Variants in CDC73 observed in about 807,000 individuals in gnomAD.
CDC73 encodes the protein parafibromin.
Under a neutral mutation model 83.7 loss-of-function variants are expected in CDC73, and 21 were observed. The ratio of observed to expected loss-of-function variants is 0.25; its 90% confidence interval spans 0.18 to 0.36. The LOEUF (loss-of-function observed/expected upper bound fraction) is 0.36, where lower values mean the gene tolerates loss of function less well. Ranked by LOEUF, CDC73 falls within the 10% of genes least tolerant of loss-of-function variation. CDC73 has a pLI of 1.00. For synonymous variants in CDC73, 224 were observed against 212.9 expected, an observed-to-expected ratio of 1.05 and a Z score of -0.45; for missense variants, 342 against 653.3, an observed-to-expected ratio of 0.52 and a Z score of 5.19.
intron 10 of CDC73, among the ~76,000 whole-genome samples, chr1:193,196,700 T>G (rs1022855733): frequency 1.3e-5 from 2 of 152,222 alleles, no homozygotes; most frequent in South Asian, 4.1e-4. Flanking sequence ...TTTCATTCTT[T>G]TTAATGCTAT....
At chr1:193,249,081 C>G (rs1361866422) in intron 15 of CDC73, among the ~76,000 whole-genome samples, 1 of 152,018 alleles carries the variant, frequency 6.6e-6, no homozygotes, top group African/African-American at 2.4e-5. Flanking sequence ...AAGGCAGAGT[C>G]AATCAGTGCA....
intron 6 of CDC73, 125 bp downstream of exon 6, chr1:193,138,298 C>A: frequency 2.7e-6 from 2 of 737,120 alleles, no homozygotes; most frequent in South Asian, 1.5e-5. Flanking sequence ...CCTCTTTGCT[C>A]TTAAGTTCGT....
At chr1:193,142,495 T>C (rs2103126921) in intron 7 of CDC73, among the ~76,000 whole-genome samples, 1 of 152,318 alleles carries the variant, frequency 6.6e-6, no homozygotes, top group South Asian at 2.1e-4. Context: ...TTTTACACAC[T>C]ATATTCTGTT....
chr1:193,244,030 T>C (rs999863429), intron 15 of CDC73, among the ~76,000 whole-genome samples: 1 of 152,156 alleles, frequency 6.6e-6, no homozygotes, highest in Non-Finnish European at 1.5e-5. Flanking sequence ...TTGATACTGA[T>C]CATAATCATA....
chr1:193,131,140 T>C (rs1675686349), intron 3 of CDC73, among the ~76,000 whole-genome samples: 1 of 152,234 alleles, frequency 6.6e-6, no homozygotes, highest in Non-Finnish European at 1.5e-5. Context: ...ACATGTTTCC[T>C]TGAATGTTGA....
At chr1:193,190,428 T>C (rs1286319079) in intron 10 of CDC73, among the ~76,000 whole-genome samples, 2 of 152,256 alleles carry the variant, frequency 1.3e-5, no homozygotes, top group Non-Finnish European at 2.9e-5. Flanking sequence ...GTCAAATGTT[T>C]ATTAAAAGCT....
chr1:193,196,824 C>G (rs897600285), intron 10 of CDC73, among the ~76,000 whole-genome samples: 1 of 152,128 alleles, frequency 6.6e-6, no homozygotes, highest in Non-Finnish European at 1.5e-5. Flanking sequence ...CAGAACTTGT[C>G]TATTATTAAT....
chr1:193,164,752 A>G (rs984097404), intron 10 of CDC73, among the ~76,000 whole-genome samples: 3 of 152,164 alleles, frequency 2.0e-5, no homozygotes, highest in Non-Finnish European at 4.4e-5. Flanking sequence ...GTGTCTGACT[A>G]ATCCCTTGCC....
chr1:193,216,627 C>A (rs114336960), intron 13 of CDC73, among the ~76,000 whole-genome samples: 1,842 of 151,340 alleles, frequency 0.012, 19 homozygotes, highest in South Asian at 0.033. Flanking sequence ...CAAAACCTGG[C>A]AGAGAGACAA....
chr1:193,194,967 G>A (rs1676977745), intron 10 of CDC73, among the ~76,000 whole-genome samples: 1 of 151,942 alleles, frequency 6.6e-6, no homozygotes, highest in Admixed American at 6.6e-5. Flanking sequence ...TAGTATATTA[G>A]TTATTAGTAT....
intron 8 of CDC73, among the ~76,000 whole-genome samples, chr1:193,149,767 T>C (rs1327631784): frequency 1.3e-5 from 2 of 152,206 alleles, no homozygotes; most frequent in Non-Finnish European, 2.9e-5. Flanking sequence ...GTTTTTAGTT[T>C]GTTAAACATT....
chr1:193,169,233 T>A (rs929988326), intron 10 of CDC73, among the ~76,000 whole-genome samples: 1 of 152,222 alleles, frequency 6.6e-6, no homozygotes, highest in African/African-American at 2.4e-5. Flanking sequence ...AGTAAAAATA[T>A]GAACTTTAAC....
At chr1:193,245,917 A>G (rs1677946445) in intron 15 of CDC73, among the ~76,000 whole-genome samples, 1 of 151,952 alleles carries the variant, frequency 6.6e-6, no homozygotes, top group African/African-American at 2.4e-5. Context: ...ATATTTGTTG[A>G]CTATTTTTGT....
intron 15 of CDC73, among the ~76,000 whole-genome samples, chr1:193,241,622 A>G (rs1677862039): frequency 6.6e-6 from 1 of 152,178 alleles, no homozygotes; most frequent in Non-Finnish European, 1.5e-5. Flanking sequence ...TGGACAGGAC[A>G]GTGCGCAGGC....
intron 6 of CDC73, 64 bp from the exon 7 acceptor site, chr1:193,141,786 A>G (rs774364815): frequency 9.9e-5 from 105 of 1,058,950 alleles, no homozygotes; most frequent in Non-Finnish European, 1.4e-4. Context: ...AATGTAACAA[A>G]ATATATTTAT....
rs550181594 is a variant in CDC73 at position 193,223,673 on chromosome 1, A to T, written c.1155-9320A>T. Among the ~76,000 whole-genome samples the T allele has an allele frequency of 1.2e-4, 18 of 152,168 alleles. No individual in the cohort carries two copies. In the South Asian group the frequency reaches 3.7e-3, roughly 31 times the overall value. Reference sequence around the variant, plus strand: ...TGAGCAGAATTTGGACTTATTTTCTATTTCAGGAGCCCAGTGAAATATAGT... The same window carrying T: ...TGAGCAGAATTTGGACTTATTTTCTTTTTCAGGAGCCCAGTGAAATATAGT... On this transcript the variant is annotated intron_variant, in intron 13 of 16. Transcript: ENST00000367435.
At chr1:193,223,422 T>C (rs1218778794) in intron 13 of CDC73, among the ~76,000 whole-genome samples, 1 of 152,202 alleles carries the variant, frequency 6.6e-6, no homozygotes, top group African/African-American at 2.4e-5. Flanking sequence ...TTGGAGGTTT[T>C]AAATATCTAG....
intron 2 of CDC73, among the ~76,000 whole-genome samples, chr1:193,126,690 CTTAAAA>C (rs1253659918): frequency 3.3e-5 from 5 of 152,146 alleles, no homozygotes; most frequent in East Asian, 1.9e-4. Context: ...CAAGTATACA[CTTAAAA>C]TTAAGTATGA....
chr1:193,218,517 A>G (rs143228417), intron 13 of CDC73, among the ~76,000 whole-genome samples: 4 of 152,234 alleles, frequency 2.6e-5, no homozygotes, highest in Non-Finnish European at 5.9e-5. Context: ...TTCAAACTAT[A>G]CAACAAGACT....
Sources: allele counts gnomAD v4.1 joint callset (sites outside exome capture counted in the v4.1 genomes callset), GRCh38; gene constraint gnomAD v4.1.1; transcripts MANE v1.5; gene names NCBI Gene and HGNC (gene_info 2026-07-23, HGNC 2026-07-21).